NEGR1: variants seen among roughly 807,000 people sequenced by gnomAD.
The protein encoded by NEGR1 is IgLON family member 4.
A neutral mutation model predicts 40.9 loss-of-function variants in NEGR1; 10 were observed. The observed-to-expected ratio is 0.24, with a 90% confidence interval of 0.15 to 0.42. The LOEUF is 0.42. Ranked by LOEUF, NEGR1 falls within the 10% of genes least tolerant of loss-of-function variation. NEGR1 has a pLI of 1.00. For missense variants in NEGR1, 352 were observed against 438.9 expected (o/e 0.80, Z 1.77); for synonymous variants, 185 against 166.8 (o/e 1.11, Z -0.84).
intron 1 of NEGR1, among the ~76,000 whole-genome samples, chr1:72,122,074 G>T (rs1649825932): frequency 6.6e-6 from 1 of 151,790 alleles, no homozygotes; most frequent in South Asian, 2.1e-4. Flanking sequence ...GGAAGAATTT[G>T]TAATTATCAA....
chr1:71,656,491 C>A (rs2101586862), intron 4 of NEGR1, among the ~76,000 whole-genome samples: 1 of 152,250 alleles, frequency 6.6e-6, no homozygotes, highest in Middle Eastern at 3.4e-3. Context: ...CGGCTTACTG[C>A]AAACTCCACC....
At chr1:71,832,287 C>T (rs1214413783) in intron 2 of NEGR1, among the ~76,000 whole-genome samples, 11 of 151,942 alleles carry the variant, frequency 7.2e-5, no homozygotes, top group Admixed American at 5.9e-4. Flanking sequence ...GACAACCAGA[C>T]GATCAAAGTG....
chr1:71,690,369 G>A (rs1439645707), intron 4 of NEGR1, among the ~76,000 whole-genome samples: 2 of 151,586 alleles, frequency 1.3e-5, no homozygotes, highest in African/African-American at 4.8e-5. Context: ...TGAAAAAGCT[G>A]GATTTAGATA....
intron 3 of NEGR1, among the ~76,000 whole-genome samples, chr1:71,742,252 C>A (rs1297255801): frequency 6.6e-6 from 1 of 152,100 alleles, no homozygotes; most frequent in Non-Finnish European, 1.5e-5. Flanking sequence ...TTGCCTCTGC[C>A]CAAAGCCTTC....
intron 1 of NEGR1, among the ~76,000 whole-genome samples, chr1:72,146,714 C>T (rs548122449): frequency 3.9e-5 from 6 of 152,236 alleles, no homozygotes; most frequent in Non-Finnish European, 7.4e-5. Context: ...TGAAAAGAAT[C>T]AAATTCAGAT....
chr1:71,805,724 G>A (rs1657745608), intron 2 of NEGR1, among the ~76,000 whole-genome samples: 1 of 152,130 alleles, frequency 6.6e-6, no homozygotes, highest in Non-Finnish European at 1.5e-5. Flanking sequence ...CTACTTGCCT[G>A]CTGTAATGTA....
intron 2 of NEGR1, among the ~76,000 whole-genome samples, chr1:71,815,107 C>G (rs1416096487): frequency 1.3e-5 from 2 of 152,066 alleles, no homozygotes; most frequent in African/African-American, 4.8e-5. Context: ...TATGTTGTCT[C>G]TTTGCTCTCA....
intron 1 of NEGR1, among the ~76,000 whole-genome samples, chr1:72,134,208 T>C (rs573078992): frequency 1.3e-5 from 2 of 151,432 alleles, no homozygotes; most frequent in South Asian, 4.2e-4. Context: ...ATACGTTTTT[T>C]TTTTCTTTTT....
chr1:72,072,814 A>T (rs550209018), intron 1 of NEGR1, among the ~76,000 whole-genome samples: 1 of 152,290 alleles, frequency 6.6e-6, no homozygotes, highest in African/African-American at 2.4e-5. Context: ...ATGCGGTCTC[A>T]TTCAATTATT....
chr1:71,788,367 C>T (rs147205989), intron 2 of NEGR1, among the ~76,000 whole-genome samples: 10 of 151,770 alleles, frequency 6.6e-5, no homozygotes, highest in Admixed American at 5.9e-4. Flanking sequence ...GCTTTTGTGA[C>T]ATTAACTATA....
chr1:71,479,302 A>G (rs1646840133), intron 6 of NEGR1, among the ~76,000 whole-genome samples: 1 of 151,874 alleles, frequency 6.6e-6, no homozygotes, highest in Non-Finnish European at 1.5e-5. Flanking sequence ...ATTCTTGTCT[A>G]TTCCTTGCTT....
intron 4 of NEGR1, among the ~76,000 whole-genome samples, chr1:71,651,269 A>G (rs545487460): frequency 5.3e-5 from 8 of 152,168 alleles, no homozygotes; most frequent in Non-Finnish European, 8.8e-5. Flanking sequence ...TAGAGTGGAT[A>G]TAACACTTGC....
chr1:71,882,610 T>C (rs1032518244), intron 2 of NEGR1, among the ~76,000 whole-genome samples: 2 of 151,920 alleles, frequency 1.3e-5, no homozygotes, highest in East Asian at 3.9e-4. Flanking sequence ...ACAGACACTG[T>C]GAAATTTAAT....
intron 1 of NEGR1, among the ~76,000 whole-genome samples, chr1:72,068,324 C>G (rs1304126106): frequency 1.3e-5 from 2 of 152,126 alleles, no homozygotes; most frequent in Non-Finnish European, 2.9e-5. Flanking sequence ...TGAGAGGATC[C>G]AGTCAGATCA....
chr1:71,630,117 C>T (rs1255315093), intron 4 of NEGR1, among the ~76,000 whole-genome samples: 6 of 151,892 alleles, frequency 4.0e-5, no homozygotes, highest in Non-Finnish European at 7.4e-5. Flanking sequence ...CAAATAAATG[C>T]ATATCCTTGT....
intron 4 of NEGR1, among the ~76,000 whole-genome samples, chr1:71,611,777 A>T (rs1012564079): frequency 6.6e-5 from 10 of 152,120 alleles, no homozygotes; most frequent in African/African-American, 2.4e-4. Flanking sequence ...TTCTGCCCGA[A>T]TGCCGTTGTT....
rs1654333857 is a variant in NEGR1 at position 71,717,974 on chromosome 1, G to T, written c.536-19835C>A. 2.6e-5 allele frequency among the ~76,000 whole-genome samples: 4 copies of T among 152,212 alleles called. No individual in the cohort carries two copies. In the South Asian group the frequency reaches 8.3e-4, roughly 32 times the overall value. On this transcript the variant is annotated intron_variant, in intron 3 of 6. Transcript: ENST00000357731. Reference sequence around the variant, plus strand: ...GAAGGAACCAACATGGCCAAATCTTGATCTCAGACTTATAGCCTCCAGAAT... The same window carrying T: ...GAAGGAACCAACATGGCCAAATCTTTATCTCAGACTTATAGCCTCCAGAAT...
chr1:71,559,500 C>A (rs1302916406), intron 6 of NEGR1, among the ~76,000 whole-genome samples: 1 of 151,474 alleles, frequency 6.6e-6, no homozygotes, highest in Non-Finnish European at 1.5e-5. Flanking sequence ...TTTAAAGTTG[C>A]ATAGAATAAC....
intron 2 of NEGR1, among the ~76,000 whole-genome samples, chr1:71,778,107 T>G (rs936009182): frequency 2.0e-5 from 3 of 151,952 alleles, no homozygotes. Flanking sequence ...TAAAAGTATA[T>G]TTTAGATATT....
Sources: gnomAD v4.1 joint callset for allele counts (sites outside exome capture counted in the v4.1 genomes callset) on GRCh38, gnomAD v4.1.1 for gene constraint, MANE v1.5 for transcripts, NCBI Gene and HGNC (gene_info 2026-07-23, HGNC 2026-07-21) for gene names.